The following GRID1 variants were observed in gnomAD, a reference collection of about 807,000 sequenced individuals.
GRID1 encodes glutamate ionotropic receptor delta type subunit 1, also known as glutamate receptor ionotropic, delta-1.
GRID1 carries 28 observed loss-of-function variants against 98.0 expected under a neutral mutation model. The observed-to-expected ratio is 0.29, with a 90% CI of 0.21 to 0.39. The LOEUF (loss-of-function observed/expected upper bound fraction) is 0.39. Among genes scored for constraint, GRID1 ranks in the 10% least tolerant of loss-of-function variants. The pLI is 1.00. For missense variants in GRID1, 1,111 were observed against 1,340.5 expected, an observed-to-expected ratio of 0.83 and a Z score of 2.67; for synonymous variants, 553 against 538.5, an observed-to-expected ratio of 1.03 and a Z score of -0.37.
chr10:86,364,133 A>G (rs1848642707), intron 1 of GRID1, 37 bp from the exon 2 acceptor site: 6 of 1,590,740 alleles, frequency 3.8e-6, no homozygotes, highest in Non-Finnish European at 5.2e-6. Context: ...GACCTGGACA[A>G]GAACCCTCTC....
intron 4 of GRID1, among the ~76,000 whole-genome samples, chr10:86,090,540 AG>A (rs1844130763): frequency 6.6e-6 from 1 of 151,958 alleles, no homozygotes; most frequent in African/African-American, 2.4e-5. Flanking sequence ...AAAAAAAAAA[AG>A]ATCTAACATT....
intron 4 of GRID1, among the ~76,000 whole-genome samples, chr10:86,017,682 C>A (rs1348202837): frequency 1.3e-5 from 2 of 152,228 alleles, no homozygotes; most frequent in Non-Finnish European, 2.9e-5. Flanking sequence ...ATCCAGCTGA[C>A]AACACAAGTG....
chr10:85,885,564 T>C (rs1841104884), intron 5 of GRID1, among the ~76,000 whole-genome samples: 1 of 152,214 alleles, frequency 6.6e-6, no homozygotes, highest in Non-Finnish European at 1.5e-5. Context: ...ATGATGATAA[T>C]ACCAATGGGA....
At chr10:86,017,889 C>T (rs1842999552) in intron 4 of GRID1, among the ~76,000 whole-genome samples, 1 of 152,128 alleles carries the variant, frequency 6.6e-6, no homozygotes, top group Non-Finnish European at 1.5e-5. Flanking sequence ...GTTGGCCTAT[C>T]CCTTAGTGCT....
At chr10:85,637,752 G>T (rs1462148560) in intron 13 of GRID1, among the ~76,000 whole-genome samples, 1 of 152,176 alleles carries the variant, frequency 6.6e-6, no homozygotes, top group African/African-American at 2.4e-5. Flanking sequence ...AGGAGTTGAG[G>T]CTTATAGATT....
intron 2 of GRID1, among the ~76,000 whole-genome samples, chr10:86,272,969 A>G (rs1387710096): frequency 2.0e-5 from 3 of 152,270 alleles, no homozygotes; most frequent in Middle Eastern, 3.4e-3. Context: ...TGTGCAGGTT[A>G]GCTACATATG....
intron 2 of GRID1, among the ~76,000 whole-genome samples, chr10:86,316,923 C>T (rs561187809): frequency 1.1e-4 from 17 of 152,350 alleles, no homozygotes; most frequent in East Asian, 1.9e-4. Context: ...AAGAATCACC[C>T]CCACTAAAAT....
rs148134491 is a variant in GRID1, at chr10:85,938,543, T to C, written c.727-22304A>G. On this transcript the variant is annotated intron_variant, in intron 4 of 15. Transcript: ENST00000327946. ...GCTATGGGGTAGTTTCTCTCATGGT[T>C]CCTATTCTACAAATGAGAAAAGTGA... Among the ~76,000 whole-genome samples the C allele has an allele frequency of 3.9e-5, 6 of 152,330 alleles. No homozygotes were observed. In the East Asian group the frequency reaches 1.2e-3, roughly 29 times the overall value.
At chr10:85,699,995 G>C (rs1241023880) in intron 12 of GRID1, among the ~76,000 whole-genome samples, 2 of 152,086 alleles carry the variant, frequency 1.3e-5, no homozygotes, top group African/African-American at 4.8e-5. Context: ...CAGCTATGTG[G>C]TGACAATTTC....
chr10:85,677,182 T>C (rs1210850117), intron 12 of GRID1, among the ~76,000 whole-genome samples: 2 of 152,112 alleles, frequency 1.3e-5, no homozygotes, highest in Admixed American at 6.5e-5. Flanking sequence ...TAAAACAAAA[T>C]CTCAAGGGCC....
chr10:85,743,665 G>A (rs1564577281), intron 8 of GRID1, among the ~76,000 whole-genome samples: 1 of 152,130 alleles, frequency 6.6e-6, no homozygotes, highest in Non-Finnish European at 1.5e-5. Context: ...TTAGGTTGAT[G>A]AGAAAGTAAT....
intron 9 of GRID1, 25 bp from the exon 10 acceptor site, chr10:85,728,077 T>G: frequency 6.9e-7 from 1 of 1,459,618 alleles, no homozygotes; most frequent in Non-Finnish European, 9.6e-7. Context: ...ATGAAGGTTC[T>G]CCAATTAAAT....
chr10:85,665,876 T>A (rs1841014506), intron 12 of GRID1, among the ~76,000 whole-genome samples: 1 of 151,782 alleles, frequency 6.6e-6, no homozygotes, highest in Non-Finnish European at 1.5e-5. Context: ...TAAATATGCA[T>A]CTCCAAGCTG....
intron 4 of GRID1, among the ~76,000 whole-genome samples, chr10:86,062,341 C>T (rs968103697): frequency 2.6e-5 from 4 of 152,022 alleles, no homozygotes; most frequent in Non-Finnish European, 5.9e-5. Context: ...CCCTTTGCCT[C>T]GGGGACATTC....
chr10:85,812,268 A>T (rs749639916), intron 8 of GRID1, among the ~76,000 whole-genome samples: 2 of 152,148 alleles, frequency 1.3e-5, no homozygotes, highest in Non-Finnish European at 2.9e-5. Flanking sequence ...CAAAAATCAT[A>T]GTTAGAACAG....
At chr10:85,893,601 C>T (rs750474607) in intron 5 of GRID1, among the ~76,000 whole-genome samples, 4 of 152,036 alleles carry the variant, frequency 2.6e-5, no homozygotes, top group Non-Finnish European at 5.9e-5. Flanking sequence ...CAAACAATTG[C>T]AAATCTAAAT....
At chr10:86,126,765 T>C (rs1306392239) in intron 4 of GRID1, among the ~76,000 whole-genome samples, 5 of 152,228 alleles carry the variant, frequency 3.3e-5, no homozygotes, top group Non-Finnish European at 7.3e-5. Context: ...CTGGCTCCTC[T>C]TGAGACACAA....
intron 3 of GRID1, among the ~76,000 whole-genome samples, chr10:86,174,050 T>C (rs1845535492): frequency 6.6e-6 from 1 of 152,168 alleles, no homozygotes; most frequent in African/African-American, 2.4e-5. Context: ...TGTGCATGTG[T>C]CTTTATAGCA....
At chr10:86,132,676 G>A (rs1235322816) in intron 4 of GRID1, among the ~76,000 whole-genome samples, 4 of 152,196 alleles carry the variant, frequency 2.6e-5, no homozygotes, top group Non-Finnish European at 5.9e-5. Context: ...TATCATGTGG[G>A]ACAACAGAAC....
Sources: gnomAD v4.1 joint callset for allele counts (sites outside exome capture counted in the v4.1 genomes callset) on GRCh38, gnomAD v4.1.1 for gene constraint, MANE v1.5 for transcripts, NCBI Gene and HGNC (gene_info 2026-07-23, HGNC 2026-07-21) for gene names.